CFAP57: variants seen among roughly 807,000 people sequenced by gnomAD.
CFAP57 encodes cilia- and flagella-associated protein 57.
Under a neutral mutation model 146.8 loss-of-function variants are expected in CFAP57, and 116 were observed. The observed-to-expected ratio is 0.79, with a 90% confidence interval of 0.68 to 0.92. CFAP57 has a LOEUF of 0.92. Ranked by LOEUF, CFAP57 falls within the 40% of genes least tolerant of loss-of-function variation. The pLI, the probability that CFAP57 is intolerant of heterozygous loss-of-function variation, is 0.00. For missense variants in CFAP57, 1,377 were observed against 1,527.2 expected (o/e 0.90, Z 1.64); for synonymous variants, 518 against 552.8 (o/e 0.94, Z 0.88).
Position 43,222,181 on chromosome 1 carries a change from G to A in CFAP57, c.2418G>A (p.Gln806=), listed in dbSNP as rs1645071112. 1 of 1,546,224 alleles carries A rather than the reference G, an allele frequency of 6.5e-7. No homozygotes were observed. Among genetic ancestry groups the A allele is most frequent in the Non-Finnish European group, 8.7e-7 (1 of 1,144,464 alleles). ...QELQLKSQRM[Q]EEYEKQLRDN... is the part of the protein sequence containing the mutation. ...TGCAGCTCAAGTCCCAGAGGATGCA[G>A]GAAGAGTATGAAAAACAGCTCCGGG... Residue 806 remains glutamine, a synonymous_variant, in exon 15 of 23, where the codon CAG becomes CAA. Transcript: ENST00000372492.
intron 22 of CFAP57, among the ~76,000 whole-genome samples, chr1:43,251,527 T>G (rs1646326219): frequency 6.6e-6 from 1 of 152,238 alleles, no homozygotes; most frequent in Non-Finnish European, 1.5e-5. Flanking sequence ...AAGGGTAAAT[T>G]TCTATGTTTA....
chr1:43,205,323 C>T (rs1385645749), intron 9 of CFAP57, among the ~76,000 whole-genome samples: 3 of 152,188 alleles, frequency 2.0e-5, no homozygotes, highest in Non-Finnish European at 4.4e-5. Flanking sequence ...ATAAAGTCAG[C>T]CCCCTCAAGC....
At chr1:43,187,492 T>C (rs1056785053) in intron 6 of CFAP57, among the ~76,000 whole-genome samples, 1 of 152,158 alleles carries the variant, frequency 6.6e-6, no homozygotes, top group Non-Finnish European at 1.5e-5. Context: ...AATTGAGTTA[T>C]GATTCACATA....
intron 10 of CFAP57, among the ~76,000 whole-genome samples, chr1:43,208,560 C>T (rs1414718520): frequency 2.0e-5 from 3 of 152,084 alleles, no homozygotes; most frequent in Admixed American, 6.6e-5. Context: ...AACGAAACAC[C>T]GCATATTCTC....
chr1:43,232,405 C>A (rs1365951126), intron 18 of CFAP57, 103 bp from the exon 19 acceptor site: 18 of 892,968 alleles, frequency 2.0e-5, no homozygotes. Context: ...AAGAAATGCC[C>A]GGGTGTCAGG....
In CFAP57 at chr1:43,238,717, C is replaced by T. The variant is rs1444190635; in HGVS notation, c.3405+4079C>T. On this transcript the variant is annotated intron_variant, in intron 21 of 22. Coordinates refer to ENST00000372492, the MANE Select transcript of CFAP57 (RefSeq NM_001378189.1). The surrounding 1 kb of genome is among the most constrained non-coding windows in gnomAD (Gnocchi z 4.3). ...CCCAACTTATACTTATTGGGAGTGT[C>T]CTTGGCCATCATACTATGTGAGATA... Among the ~76,000 whole-genome samples the T allele has an allele frequency of 6.6e-6, 1 of 152,110 alleles. No individual in the cohort carries two copies. Among genetic ancestry groups the T allele is most frequent in the African/African-American group, 2.4e-5 (1 of 41,414 alleles).
rs60209286 is a variant in CFAP57, at chr1:43,186,078, CAA to C, written c.970-616_970-615del. Among the ~76,000 whole-genome samples, 25 of 141,604 alleles carry C rather than the reference CAA, an allele frequency of 1.8e-4. No individual in the cohort carries two copies. In the East Asian group the frequency reaches 2.0e-3, roughly 12 times the overall value. The allele number at this position is 141,604 out of a possible 152,430, so 92.9% of individuals were successfully genotyped here. ...TGGGTGACAGAGCAAGACTCTGTCT[CAA>C]AAAAAAAAAAAATTAGCCAGATGTG... On this transcript the variant is annotated intron_variant, in intron 5 of 22. Transcript: ENST00000372492.
At chr1:43,243,446 T>A in intron 22 of CFAP57, 87 bp downstream of exon 22, 2 of 1,382,944 alleles carry the variant, frequency 1.4e-6, no homozygotes, top group Non-Finnish European at 1.9e-6. Flanking sequence ...GGCTTCCTTC[T>A]GTATCAGGTC....
intron 22 of CFAP57, among the ~76,000 whole-genome samples, chr1:43,251,912 G>C (rs1394887809): frequency 3.3e-5 from 5 of 152,194 alleles, no homozygotes; most frequent in African/African-American, 1.2e-4. Context: ...TATGGAAGTA[G>C]ATATAAAGGA....
At chr1:43,184,983 A>G in intron 4 of CFAP57, 166 bp from the exon 5 acceptor site, 1 of 710,352 alleles carries the variant, frequency 1.4e-6, no homozygotes, top group South Asian at 1.6e-5. Context: ...GGCCATGTGC[A>G]GTTTGTGTAC....
At chr1:43,236,453 T>C (rs1393094536) in intron 21 of CFAP57, among the ~76,000 whole-genome samples, 2 of 151,782 alleles carry the variant, frequency 1.3e-5, no homozygotes, top group African/African-American at 4.8e-5. Flanking sequence ...CTTGGGTAAA[T>C]TCCTTAACTC....
intron 21 of CFAP57, 80 bp downstream of exon 21, chr1:43,234,718 C>T: frequency 6.8e-7 from 1 of 1,461,478 alleles, no homozygotes; most frequent in Non-Finnish European, 9.1e-7. Context: ...CCTCTGAGAC[C>T]ACCTGTCTTC....
chr1:43,219,234 T>G (rs1439289762), intron 12 of CFAP57, 148 bp from the exon 13 acceptor site: 4 of 851,794 alleles, frequency 4.7e-6, no homozygotes, highest in Non-Finnish European at 7.0e-6. Flanking sequence ...CTGATGTGCC[T>G]TCTGGGGAAA....
chr1:43,207,825 C>A (rs934672812), intron 10 of CFAP57, among the ~76,000 whole-genome samples: 1 of 152,230 alleles, frequency 6.6e-6, no homozygotes, highest in Non-Finnish European at 1.5e-5. Context: ...CGGCAGCAAG[C>A]TAGCCCAAGG....
chr1:43,243,396 G>A (rs1471999084), intron 22 of CFAP57, 37 bp downstream of exon 22: 2 of 1,473,420 alleles, frequency 1.4e-6, no homozygotes. Context: ...TGGGCACTGG[G>A]ACGAAGGGAT....
At chr1:43,241,198 C>T (rs1057099432) in intron 21 of CFAP57, among the ~76,000 whole-genome samples, 5 of 152,170 alleles carry the variant, frequency 3.3e-5, no homozygotes, top group African/African-American at 7.2e-5. Context: ...CTCATTACTG[C>T]GAGGATGGCA....
At chr1:43,227,712 C>T (rs138169867) in intron 18 of CFAP57, among the ~76,000 whole-genome samples, 5 of 152,082 alleles carry the variant, frequency 3.3e-5, no homozygotes, top group African/African-American at 4.8e-5. Context: ...CCCCCATGCC[C>T]CCCACCACAC....
chr1:43,236,272 G>A (rs1464913903), intron 21 of CFAP57, among the ~76,000 whole-genome samples: 3 of 151,966 alleles, frequency 2.0e-5, no homozygotes, highest in Non-Finnish European at 4.4e-5. Flanking sequence ...TGTGGCAGGG[G>A]GTGCGGGTCT....
Position 43,238,184 on chromosome 1 carries a change from G to A in CFAP57, c.3405+3546G>A, listed in dbSNP as rs1455385726. 6.6e-6 allele frequency among the ~76,000 whole-genome samples: 1 copy of A among 152,180 alleles called. No homozygotes were observed. Among genetic ancestry groups the A allele is most frequent in the Non-Finnish European group, 1.5e-5 (1 of 68,038 alleles). On this transcript the variant is annotated intron_variant, in intron 21 of 22. Coordinates refer to ENST00000372492, the MANE Select transcript of CFAP57 (RefSeq NM_001378189.1). The surrounding 1 kb of genome is among the most constrained non-coding windows in gnomAD (Gnocchi z 4.3). ...TCCAGAAAGATGTCACTGATGCAAGGATTCCAAGTCCATGGAATAAATCTG... is the reference window on the plus strand; with the variant it reads ...TCCAGAAAGATGTCACTGATGCAAGAATTCCAAGTCCATGGAATAAATCTG...
Sources: allele counts gnomAD v4.1 joint callset (sites outside exome capture counted in the v4.1 genomes callset), GRCh38; gene constraint gnomAD v4.1.1; non-coding constraint Gnocchi (gnomAD v3.1); transcripts MANE v1.5; gene names NCBI Gene and HGNC (gene_info 2026-07-23, HGNC 2026-07-21).